PCDH15: variants seen among roughly 807,000 people sequenced by gnomAD.
The protein encoded by PCDH15 is protocadherin-15.
Under a neutral mutation model 178.5 loss-of-function variants are expected in PCDH15, and 129 were observed. The observed-to-expected ratio is 0.72, with a 90% CI of 0.63 to 0.84. PCDH15 has a LOEUF of 0.84. Among genes scored for constraint, PCDH15 ranks in the 40% least tolerant of loss-of-function variants. The pLI, the probability that PCDH15 is intolerant of heterozygous loss-of-function variation, is 0.00. For synonymous variants in PCDH15, 800 were observed against 732.0 expected (o/e 1.09, Z -1.50); for missense variants, 2,230 against 2,099.9 (o/e 1.06, Z -1.21).
In PCDH15 at chr10:53,995,810, T is replaced by A. The variant is rs369781119; in HGVS notation, c.2752-45A>T. 5 of 1,554,506 alleles carry A rather than the reference T, an allele frequency of 3.2e-6. No homozygotes were observed. The African/African-American group carries it at 6.8e-5, about 21-fold the overall frequency. On this transcript the variant is annotated intron_variant, in intron 20 of 37. Coordinates refer to ENST00000644397, the MANE Select transcript of PCDH15 (RefSeq NM_001384140.1). ...GTTTAGTACTTCAGTTGAAACCAGG[T>A]TAGGGATACAGTTACTAGATTGACT...
Position 54,947,502 on chromosome 10 carries a change from C to T in PCDH15, c.-79-50002G>A, listed in dbSNP as rs763466599. 4.5e-4 allele frequency among the ~76,000 whole-genome samples: 68 copies of T among 151,898 alleles called. 1 individual carries two copies. The highest frequency in any genetic ancestry group is 6.9e-4 in the Non-Finnish European group (47 of 67,882). On this transcript the variant is annotated intron_variant, in intron 2 of 5. Coordinates refer to the PCDH15 transcript ENST00000458638. ...TTGCCCAAGGTCACACAGCTAGTTA[C>T]TGGCAGAACTATTTCTTAAACCCAG...
chr10:53,821,297 T>A, intron 32 of PCDH15: 1 of 986,590 alleles, frequency 1.0e-6, no homozygotes, highest in Non-Finnish European at 1.2e-6. Context: ...GACTACATGT[T>A]ATAGCACCTG....
intron 1 of PCDH15, among the ~76,000 whole-genome samples, chr10:54,674,161 G>A (rs1254516992): frequency 6.6e-6 from 1 of 152,024 alleles, no homozygotes; most frequent in Admixed American, 6.5e-5. Flanking sequence ...GGATTTTTTA[G>A]GTAAGGTCTT....
intron 3 of PCDH15, among the ~76,000 whole-genome samples, chr10:54,468,511 A>G (rs1384989226): frequency 6.6e-6 from 1 of 151,968 alleles, no homozygotes; most frequent in African/African-American, 2.4e-5. Context: ...TTCTGAGAAG[A>G]TACTTGGTAT....
chr10:55,578,278 C>T (rs565980971), intron 2 of PCDH15, among the ~76,000 whole-genome samples: 1 of 152,040 alleles, frequency 6.6e-6, no homozygotes, highest in South Asian at 2.1e-4. Context: ...AGTGCAGTGG[C>T]GCGAATTCAG....
chr10:54,940,609 C>T (rs1591796395), intron 2 of PCDH15, among the ~76,000 whole-genome samples: 1 of 151,936 alleles, frequency 6.6e-6, no homozygotes, highest in Non-Finnish European at 1.5e-5. Context: ...CTACTTGTTC[C>T]ATCTACTGTT....
intron 8 of PCDH15, among the ~76,000 whole-genome samples, chr10:54,277,851 T>C (rs1395248705): frequency 6.6e-6 from 1 of 151,154 alleles, no homozygotes; most frequent in Non-Finnish European, 1.5e-5. Context: ...GAGAGGAGTA[T>C]AGAGGAAGCC....
At chr10:54,324,621 G>C (rs531872634) in intron 7 of PCDH15, among the ~76,000 whole-genome samples, 1 of 152,000 alleles carries the variant, frequency 6.6e-6, no homozygotes, top group South Asian at 2.1e-4. Flanking sequence ...CAAAAAATTA[G>C]CTGGGAGTGG....
At chr10:54,402,833 C>T (rs369954507) in intron 3 of PCDH15, among the ~76,000 whole-genome samples, 59 of 151,998 alleles carry the variant, frequency 3.9e-4, no homozygotes, top group African/African-American at 1.3e-3. Flanking sequence ...CCTCTGTATT[C>T]CTTAAGACAC....
chr10:54,651,884 C>T (rs1176939323), intron 2 of PCDH15, among the ~76,000 whole-genome samples: 6 of 151,934 alleles, frequency 3.9e-5, no homozygotes, highest in African/African-American at 1.5e-4. Flanking sequence ...ATAACTGTTT[C>T]CTACAAATGC....
chr10:53,930,197 G>A (rs1024811628), intron 25 of PCDH15, among the ~76,000 whole-genome samples: 2 of 151,634 alleles, frequency 1.3e-5, no homozygotes, highest in African/African-American at 4.8e-5. Flanking sequence ...GGTGGTTCAC[G>A]CCTGTAATCC....
At chr10:53,930,981 T>C (rs1028954335) in intron 25 of PCDH15, among the ~76,000 whole-genome samples, 3 of 152,198 alleles carry the variant, frequency 2.0e-5, no homozygotes, top group African/African-American at 7.2e-5. Flanking sequence ...TAGTGGTCAA[T>C]ATGGGAGTAA....
intron 2 of PCDH15, among the ~76,000 whole-genome samples, chr10:55,577,161 G>C (rs1842512538): frequency 6.6e-6 from 1 of 152,140 alleles, no homozygotes; most frequent in Non-Finnish European, 1.5e-5. Flanking sequence ...AAAATTATTT[G>C]AACCCAGGGG....
chr10:54,732,696 C>G (rs1038646404), intron 1 of PCDH15, among the ~76,000 whole-genome samples: 2 of 151,506 alleles, frequency 1.3e-5, no homozygotes, highest in Non-Finnish European at 3.0e-5. Context: ...TACAAGGGAG[C>G]ATTGTCCTGA....
intron 2 of PCDH15, among the ~76,000 whole-genome samples, chr10:55,471,040 A>G (rs1312939092): frequency 6.6e-6 from 1 of 152,136 alleles, no homozygotes; most frequent in Non-Finnish European, 1.5e-5. Flanking sequence ...TGGATATACC[A>G]CAGTGTGTTT....
chr10:54,015,461 G>T (rs560023768), intron 20 of PCDH15, among the ~76,000 whole-genome samples: 1 of 151,986 alleles, frequency 6.6e-6, no homozygotes, highest in Non-Finnish European at 1.5e-5. Context: ...AAAGCAAAAA[G>T]AAAAAAGCTG....
chr10:54,062,194 T>C (rs1273709307), intron 18 of PCDH15, among the ~76,000 whole-genome samples: 1 of 120,326 alleles, frequency 8.3e-6, no homozygotes, highest in Non-Finnish European at 1.6e-5. Context: ...TTGCACTCCA[T>C]CCAGCCTGGG....
chr10:54,067,018 TAAAAATAA>T (rs1021531002), intron 17 of PCDH15, 133 bp from the exon 18 acceptor site: 34 of 730,704 alleles, frequency 4.7e-5, no homozygotes, highest in Middle Eastern at 4.4e-4. Context: ...TTCCAAAAAA[TAAAAATAA>T]AAAAATAAAA....
At chr10:54,136,697 T>C (rs1472162896) in intron 14 of PCDH15, among the ~76,000 whole-genome samples, 2 of 152,302 alleles carry the variant, frequency 1.3e-5, no homozygotes, top group Non-Finnish European at 2.9e-5. Context: ...CTTGGATACT[T>C]GTCACAGAGT....
Sources: allele counts gnomAD v4.1 joint callset (sites outside exome capture counted in the v4.1 genomes callset), GRCh38; gene constraint gnomAD v4.1.1; transcripts MANE v1.5; gene names NCBI Gene and HGNC (gene_info 2026-07-23, HGNC 2026-07-21).